Variants in CDC42SE2 observed in about 807,000 individuals in gnomAD.
The protein encoded by CDC42SE2 is CDC42 small effector 2.
In CDC42SE2, 3 loss-of-function variants were observed where a neutral mutation model predicts 11.5. The observed-to-expected ratio is 0.26, with a 90% CI of 0.12 to 0.67. The LOEUF (loss-of-function observed/expected upper bound fraction) is 0.67, where lower values mean the gene tolerates loss of function less well. Among genes scored for constraint, CDC42SE2 ranks in the 30% least tolerant of loss-of-function variants. The pLI is 0.80. For missense variants in CDC42SE2, 82 were observed against 106.8 expected (o/e 0.77, Z 1.02); for synonymous variants, 33 against 34.8 (o/e 0.95, Z 0.18).
At chr5:131,248,264 T>C (rs1469956582) in intron 1 of CDC42SE2, among the ~76,000 whole-genome samples, 1 of 152,002 alleles carries the variant, frequency 6.6e-6, no homozygotes, top group East Asian at 1.9e-4. Context: ...CTCAGCCTCC[T>C]GAGTAGCTGG....
At chr5:131,379,905 C>T (rs1750268191) in intron 3 of CDC42SE2, among the ~76,000 whole-genome samples, 1 of 151,964 alleles carries the variant, frequency 6.6e-6, no homozygotes, top group Admixed American at 6.6e-5. Context: ...CCCTTGTTTG[C>T]CCATGACTAT....
the CDC42SE2 span, among the ~76,000 whole-genome samples, chr5:131,214,737 G>C: frequency 1.3e-5 from 2 of 152,128 alleles, no homozygotes; most frequent in Admixed American, 1.3e-4. Context: ...AGGGGACCAG[G>C]CTTTTGTTCC....
At chr5:131,233,110 A>T in the CDC42SE2 span, among the ~76,000 whole-genome samples, 2 of 152,084 alleles carry the variant, frequency 1.3e-5, no homozygotes, top group African/African-American at 4.8e-5. Flanking sequence ...ACGGGTCTGT[A>T]TATATTTTTT....
intron 2 of CDC42SE2, among the ~76,000 whole-genome samples, chr5:131,353,672 G>A (rs750456781): frequency 2.6e-5 from 4 of 152,138 alleles, no homozygotes; most frequent in Admixed American, 1.3e-4. Context: ...TAGGGAGGCC[G>A]AGGCCAGCGG....
intron 2 of CDC42SE2, among the ~76,000 whole-genome samples, chr5:131,334,753 AG>A (rs1206451878): frequency 6.6e-6 from 1 of 152,180 alleles, no homozygotes; most frequent in Non-Finnish European, 1.5e-5. Context: ...TTATTTGCGT[AG>A]AGGTGTTTAT....
intron 2 of CDC42SE2, among the ~76,000 whole-genome samples, chr5:131,356,398 T>C (rs1013917944): frequency 1.3e-5 from 2 of 152,214 alleles, no homozygotes; most frequent in African/African-American, 2.4e-5. Flanking sequence ...TATGTAAATA[T>C]GTTTTACATA....
chr5:131,267,809 C>T (rs1231143760), intron 1 of CDC42SE2, among the ~76,000 whole-genome samples: 4 of 151,966 alleles, frequency 2.6e-5, no homozygotes, highest in African/African-American at 9.7e-5. Context: ...TATTTAGGTT[C>T]CTCATCTGCT....
chr5:131,376,159 A>G, intron 3 of CDC42SE2, among the ~76,000 whole-genome samples: 1 of 152,060 alleles, frequency 6.6e-6, no homozygotes, highest in African/African-American at 2.4e-5. Context: ...GAATCGCTTG[A>G]ACCCAGGAGG....
At chr5:131,311,262 A>T (rs1177513845) in intron 1 of CDC42SE2, among the ~76,000 whole-genome samples, 1 of 150,472 alleles carries the variant, frequency 6.6e-6, no homozygotes, top group Non-Finnish European at 1.5e-5. Context: ...AGAATGTTGA[A>T]TATTGGCCCA....
Position 131,392,428 on chromosome 5 carries a change from T to TATTA in CDC42SE2, c.*1338_*1341dup, listed in dbSNP as rs1400009930. ...TGCTGCCATGGGCTGATGATGCTGC[T>TATTA]ATTAGATAAAGTTTAGCTGTGGCAC... is the stretch of plus-strand genomic sequence containing the variant. On this transcript the variant is annotated 3_prime_UTR_variant, in exon 5 of 5. Transcript: ENST00000505065. 4.6e-5 allele frequency: 7 copies of TATTA among 152,768 alleles called. No homozygotes were observed. The highest frequency in any genetic ancestry group is 1.0e-4 in the Non-Finnish European group (7 of 68,050). 9.5% of individuals were successfully genotyped at this position (152,768 alleles called of 1,614,324 possible). A position where few individuals can be genotyped will look rare whatever the true frequency, so the allele number is the denominator to read the frequency against.
upstream of CDC42SE2, among the ~76,000 whole-genome samples, chr5:131,243,664 G>A (rs1034492322): frequency 6.6e-6 from 1 of 152,194 alleles, no homozygotes; most frequent in Non-Finnish European, 1.5e-5. Context: ...AAATTATGTA[G>A]CCAATCCTGG....
In CDC42SE2 at chr5:131,252,612, C is replaced by T. The variant is rs573849217; in HGVS notation, n.108-2483C>T. 2.9e-3 allele frequency among the ~76,000 whole-genome samples: 435 copies of T among 152,262 alleles called. 4 individuals are homozygous for T. The highest frequency in any genetic ancestry group is 0.01 in the African/African-American group (419 of 41,552). ...TGGAGGTTGCAGTGAGCTGAGACCA[C>T]GTCACTGCACTCCAGCCTGGGTGAC... On this transcript the variant is annotated intron_variant and non_coding_transcript_variant, in intron 1 of 3. Coordinates refer to the CDC42SE2 transcript ENST00000502840.
intron 3 of CDC42SE2, among the ~76,000 whole-genome samples, chr5:131,361,946 C>T (rs748095095): frequency 3.3e-5 from 5 of 152,100 alleles, no homozygotes; most frequent in African/African-American, 7.2e-5. Flanking sequence ...GTGCTCCTCT[C>T]GACGTTTGGC....
At chr5:131,260,466 T>C (rs1756714533), upstream of CDC42SE2, among the ~76,000 whole-genome samples, 2 of 149,314 alleles carry the variant, frequency 1.3e-5, no homozygotes, top group African/African-American at 5.0e-5. Context: ...CTACTAAAAA[T>C]ACAAAAATTA....
chr5:131,379,692 T>A (rs2149785452), intron 3 of CDC42SE2, among the ~76,000 whole-genome samples: 1 of 152,322 alleles, frequency 6.6e-6, no homozygotes, highest in East Asian at 1.9e-4. Context: ...TTTGGGTCTC[T>A]AGTCCTTCAC....
chr5:131,347,987 A>T (rs558004960), intron 2 of CDC42SE2, among the ~76,000 whole-genome samples: 1 of 152,330 alleles, frequency 6.6e-6, no homozygotes, highest in African/African-American at 2.4e-5. Context: ...TATTGATGGG[A>T]CGTATCTCAA....
At chr5:131,267,077 A>G (rs1174048102) in intron 1 of CDC42SE2, among the ~76,000 whole-genome samples, 2 of 141,048 alleles carry the variant, frequency 1.4e-5, no homozygotes, top group Admixed American at 7.4e-5. Flanking sequence ...TTTTTTTGAA[A>G]CGGAGTCTTG....
intron 1 of CDC42SE2, among the ~76,000 whole-genome samples, chr5:131,266,118 T>C (rs1756852535): frequency 6.6e-6 from 1 of 152,224 alleles, no homozygotes; most frequent in Non-Finnish European, 1.5e-5. Flanking sequence ...TATCTTTTAG[T>C]ATTGCAACTG....
At chr5:131,365,149 G>A (rs1749816880) in intron 3 of CDC42SE2, among the ~76,000 whole-genome samples, 1 of 152,118 alleles carries the variant, frequency 6.6e-6, no homozygotes, top group Admixed American at 6.5e-5. Flanking sequence ...AAATAGCTGG[G>A]CGTGGTGTCG....
Sources: gnomAD v4.1 joint callset for allele counts (sites outside exome capture counted in the v4.1 genomes callset) on GRCh38, gnomAD v4.1.1 for gene constraint, MANE v1.5 for transcripts, NCBI Gene and HGNC (gene_info 2026-07-23, HGNC 2026-07-21) for gene names.